PPARGC1B: variants seen among roughly 807,000 people sequenced by gnomAD.
PPARGC1B encodes the protein peroxisome proliferator-activated receptor gamma coactivator 1-beta.
Under a neutral mutation model 101.6 loss-of-function variants are expected in PPARGC1B, and 34 were observed. The observed-to-expected ratio is 0.33, with a 90% CI of 0.25 to 0.45. The LOEUF is 0.45. PPARGC1B is among the 20% of genes least tolerant of loss of function. PPARGC1B has a pLI of 1.00. For synonymous variants in PPARGC1B, 548 were observed against 539.3 expected, an observed-to-expected ratio of 1.02 and a Z score of -0.22; for missense variants, 1,234 against 1,317.6, an observed-to-expected ratio of 0.94 and a Z score of 0.98.
At chr5:149,771,185 A>C (rs569685903) in intron 1 of PPARGC1B, among the ~76,000 whole-genome samples, 1 of 152,316 alleles carries the variant, frequency 6.6e-6, no homozygotes, top group African/African-American at 2.4e-5. Context: ...TGCATTTCTA[A>C]GTGCCGGCCA....
chr5:149,787,192 C>A (rs1015013486), intron 1 of PPARGC1B, among the ~76,000 whole-genome samples: 7 of 152,250 alleles, frequency 4.6e-5, no homozygotes, highest in Admixed American at 4.6e-4. Context: ...CAGCCAGTAT[C>A]CTAAGGCAAA....
intron 2 of PPARGC1B, among the ~76,000 whole-genome samples, chr5:149,823,414 C>G (rs1394218107): frequency 6.6e-6 from 1 of 152,140 alleles, no homozygotes; most frequent in African/African-American, 2.4e-5. Context: ...CCCTGGTAGC[C>G]TACATTCTGT....
chr5:149,850,944 A>T lies in PPARGC1B; in HGVS notation c.*3386A>T, dbSNP rs1759741253. ...TCAAAGAGTTAAAGAATATGAGTGG[A>T]TGGAGTGCAGCTAAGGCCCCCACCC... On this transcript the variant is annotated 3_prime_UTR_variant, in exon 12 of 12. Transcript: ENST00000309241. 6.6e-6 allele frequency: 1 copy of T among 152,112 alleles called. No individual in the cohort carries two copies. The highest frequency in any genetic ancestry group is 6.5e-5 in the Admixed American group (1 of 15,272). 9.4% of individuals were successfully genotyped at this position (152,112 alleles called of 1,614,324 possible). A position where few individuals can be genotyped will look rare whatever the true frequency, so the allele number is the denominator to read the frequency against.
intron 1 of PPARGC1B, among the ~76,000 whole-genome samples, chr5:149,784,037 C>T (rs1027924271): frequency 1.3e-5 from 2 of 152,042 alleles, no homozygotes; most frequent in South Asian, 2.1e-4. Flanking sequence ...TGTGGCTGAC[C>T]GCACTGTTCC....
At position 149,848,599 on chromosome 5, in the gene PPARGC1B, C is replaced by T. The variant is rs1191048415; in HGVS notation, c.*1041C>T. 1.3e-5 allele frequency: 2 copies of T among 152,228 alleles called. No individual in the cohort carries two copies. Among genetic ancestry groups the T allele is most frequent in the Admixed American group, 6.5e-5 (1 of 15,286 alleles). The allele number at this position is 152,228 out of a possible 1,614,324, so 9.4% of individuals were successfully genotyped here. A position where few individuals can be genotyped will look rare whatever the true frequency, so the allele number is the denominator to read the frequency against. On this transcript the variant is annotated 3_prime_UTR_variant, in exon 12 of 12. Transcript: ENST00000309241. ...GTTACATTAGGTGTTGATTCACCAG[C>T]ATCAGGTGAATTCAAGCCCTGGCAT... is the stretch of plus-strand genomic sequence containing the variant.
chr5:149,783,990 G>T (rs1323238486), intron 1 of PPARGC1B, among the ~76,000 whole-genome samples: 2 of 152,072 alleles, frequency 1.3e-5, no homozygotes, highest in Admixed American at 1.3e-4. Flanking sequence ...CCCAGCCTAG[G>T]CAAGATGGGC....
chr5:149,836,853 G>A lies in PPARGC1B; in HGVS notation c.2398G>A (p.Gly800Ser), dbSNP rs751959516. The change falls in exon 8 of 12, where the codon GGC becomes AGC. Residue 800 changes from glycine to serine, a missense_variant. Around this residue, in one of 3 missense-constraint regions of PPARGC1B, gnomAD observed 497 missense variants for 529.5 expected, o/e 0.94. Coordinates refer to ENST00000309241, the MANE Select transcript of PPARGC1B (RefSeq NM_133263.4). ...TVFEDSSSSS[G>S]ESSFLPEEEE... ...CTTTGAAGACAGCAGCAGCAGCAGCGGCGAGAGCAGCTTCCTCCCAGAGGA... is the reference window on the plus strand; with the variant it reads ...CTTTGAAGACAGCAGCAGCAGCAGCAGCGAGAGCAGCTTCCTCCCAGAGGA... 73 of 1,612,862 alleles carry A rather than the reference G, an allele frequency of 4.5e-5. No homozygotes were observed. The highest frequency in any genetic ancestry group is 5.8e-5 in the Non-Finnish European group (69 of 1,179,990).
At chr5:149,746,726 A>C (rs758470040) in intron 1 of PPARGC1B, among the ~76,000 whole-genome samples, 3 of 152,128 alleles carry the variant, frequency 2.0e-5, no homozygotes, top group Non-Finnish European at 4.4e-5. Flanking sequence ...AACAGTGCAC[A>C]AGGGTCCCAA....
chr5:149,820,815 C>T (rs1270520191), intron 2 of PPARGC1B, among the ~76,000 whole-genome samples: 1 of 152,208 alleles, frequency 6.6e-6, no homozygotes, highest in African/African-American at 2.4e-5. Flanking sequence ...GCTGTGTCAC[C>T]TCCAGAAAGT....
At chr5:149,797,235 G>A (rs1046021149) in intron 1 of PPARGC1B, among the ~76,000 whole-genome samples, 3 of 152,226 alleles carry the variant, frequency 2.0e-5, no homozygotes, top group Non-Finnish European at 4.4e-5. Flanking sequence ...TTGACAGTGT[G>A]CCAGGCACTG....
chr5:149,798,159 A>G (rs532630287), intron 1 of PPARGC1B, among the ~76,000 whole-genome samples: 3 of 152,322 alleles, frequency 2.0e-5, no homozygotes, highest in African/African-American at 4.8e-5. Context: ...GCCCAAATTA[A>G]TGCACATCTT....
At chr5:149,777,392 C>T (rs925854968) in intron 1 of PPARGC1B, among the ~76,000 whole-genome samples, 6 of 152,092 alleles carry the variant, frequency 3.9e-5, no homozygotes, top group Admixed American at 1.3e-4. Context: ...ACCACCCAAA[C>T]TCTCCTACCT....
intron 1 of PPARGC1B, among the ~76,000 whole-genome samples, chr5:149,798,260 G>C (rs890840892): frequency 2.0e-5 from 3 of 152,146 alleles, no homozygotes; most frequent in Non-Finnish European, 4.4e-5. Flanking sequence ...AATAGAGTCC[G>C]CACCACAAAA....
chr5:149,842,210 A>T, intron 9 of PPARGC1B, 46 bp from the exon 10 acceptor site: 1 of 1,600,210 alleles, frequency 6.2e-7, no homozygotes, highest in Non-Finnish European at 8.5e-7. Context: ...GGGCCCCAGG[A>T]AGCCAGGCAA....
At chr5:149,811,433 C>G (rs1245546189) in intron 1 of PPARGC1B, among the ~76,000 whole-genome samples, 1 of 152,200 alleles carries the variant, frequency 6.6e-6, no homozygotes, top group Non-Finnish European at 1.5e-5. Flanking sequence ...TCATTGAAAT[C>G]TCGTCTTTTG....
At chr5:149,799,950 C>T (rs961682528) in intron 1 of PPARGC1B, among the ~76,000 whole-genome samples, 3 of 152,104 alleles carry the variant, frequency 2.0e-5, no homozygotes, top group East Asian at 1.9e-4. Context: ...TCACCCATCT[C>T]GGCCTCCCAA....
chr5:149,783,036 G>T (rs994127730), intron 1 of PPARGC1B, among the ~76,000 whole-genome samples: 2 of 152,146 alleles, frequency 1.3e-5, no homozygotes, highest in Non-Finnish European at 2.9e-5. Context: ...GGTTCCTGAA[G>T]TGGGCAGTGG....
intron 1 of PPARGC1B, among the ~76,000 whole-genome samples, chr5:149,756,002 C>CA (rs1755507465): frequency 6.6e-6 from 1 of 152,158 alleles, no homozygotes; most frequent in African/African-American, 2.4e-5. Flanking sequence ...AGTCAGGGTT[C>CA]AAGACCTTGC....
chr5:149,743,354 C>G (rs568149033), intron 1 of PPARGC1B, among the ~76,000 whole-genome samples: 1 of 152,026 alleles, frequency 6.6e-6, no homozygotes, highest in South Asian at 2.1e-4. Context: ...TGGGATTTCT[C>G]CATATTGGCC....
Sources: gnomAD v4.1 joint callset for allele counts (sites outside exome capture counted in the v4.1 genomes callset) on GRCh38, gnomAD v4.1.1 for gene constraint, gnomAD v4.1.1 regional missense constraint, MANE v1.5 for transcripts, NCBI Gene and HGNC (gene_info 2026-07-23, HGNC 2026-07-21) for gene names.